Variants in CEP85L observed in about 807,000 individuals in gnomAD.
CEP85L encodes centrosomal protein 85L.
CEP85L carries 60 observed loss-of-function variants against 100.3 expected under a neutral mutation model. That is an observed-to-expected ratio of 0.60 (90% CI 0.49 to 0.74). The LOEUF (loss-of-function observed/expected upper bound fraction) is 0.74, where lower values mean the gene tolerates loss of function less well. Ranked by LOEUF, CEP85L falls within the 30% of genes least tolerant of loss-of-function variation. CEP85L has a pLI of 0.00. For synonymous variants in CEP85L, 319 were observed against 322.7 expected (o/e 0.99, Z 0.12); for missense variants, 973 against 936.2 (o/e 1.04, Z -0.51).
At chr6:118,539,740 T>C (rs983802503) in intron 3 of CEP85L, among the ~76,000 whole-genome samples, 11 of 152,124 alleles carry the variant, frequency 7.2e-5, no homozygotes, top group African/African-American at 2.7e-4. Context: ...TTTATCATGA[T>C]GCTCTCCCTC....
chr6:118,681,021 C>A (rs1353395408), intron 1 of CEP85L, among the ~76,000 whole-genome samples: 4 of 152,164 alleles, frequency 2.6e-5, no homozygotes, highest in Non-Finnish European at 5.9e-5. Flanking sequence ...AACTATTGTG[C>A]GTGTGACATT....
chr6:118,622,026 C>G (rs1185773163), intron 2 of CEP85L, among the ~76,000 whole-genome samples: 3 of 152,134 alleles, frequency 2.0e-5, no homozygotes, highest in African/African-American at 7.2e-5. Context: ...ACAGAGAGAC[C>G]AGGAATAGCT....
chr6:118,583,213 G>C (rs1371796284), intron 2 of CEP85L, among the ~76,000 whole-genome samples: 1 of 152,098 alleles, frequency 6.6e-6, no homozygotes, highest in South Asian at 2.1e-4. Flanking sequence ...TTAAACCCCC[G>C]GCTCCAGCGA....
chr6:118,571,393 C>T (rs1329301336), intron 2 of CEP85L, among the ~76,000 whole-genome samples: 2 of 152,148 alleles, frequency 1.3e-5, no homozygotes, highest in East Asian at 3.9e-4. Context: ...TGGTTTCAGA[C>T]AGATTTAAGT....
intron 4 of CEP85L, among the ~76,000 whole-genome samples, chr6:118,523,462 T>C (rs188765607): frequency 1.5e-3 from 233 of 152,344 alleles, no homozygotes; most frequent in Non-Finnish European, 2.6e-3. Flanking sequence ...AACTGGATAG[T>C]TCTCAAGGGT....
At chr6:118,607,854 A>G (rs554154775) in intron 2 of CEP85L, among the ~76,000 whole-genome samples, 18 of 152,162 alleles carry the variant, frequency 1.2e-4, no homozygotes, top group Non-Finnish European at 2.5e-4. Context: ...CCACTTACCC[A>G]AAGTTAGCCT....
chr6:118,519,117 A>G (rs12204456), intron 4 of CEP85L, among the ~76,000 whole-genome samples: 107,628 of 151,846 alleles, frequency 0.71, 38,875 homozygotes, highest in African/African-American at 0.75. Flanking sequence ...TACCAGAAAA[A>G]AAGAAAGCTC....
At chr6:118,482,804 ATCTC>A (rs775909247) in intron 7 of CEP85L, among the ~76,000 whole-genome samples, 2 of 152,138 alleles carry the variant, frequency 1.3e-5, no homozygotes, top group African/African-American at 4.8e-5. Context: ...CCTGACTTTA[ATCTC>A]TCTTAGTTTT....
intron 2 of CEP85L, among the ~76,000 whole-genome samples, chr6:118,595,680 G>C (rs2115145913): frequency 6.6e-6 from 1 of 152,292 alleles, no homozygotes; most frequent in South Asian, 2.1e-4. Flanking sequence ...AGTATAATAA[G>C]TGTGTAAATT....
Position 118,562,362 on chromosome 6 carries a change from A to C in CEP85L, c.1020+3167T>G, listed in dbSNP as rs185817461. Among the ~76,000 whole-genome samples, 290 of 148,018 alleles carry C rather than the reference A, an allele frequency of 2.0e-3. 1 individual carries two copies. Among genetic ancestry groups the C allele is most frequent in the African/African-American group, 6.8e-3 (278 of 40,628 alleles). On this transcript the variant is annotated intron_variant, in intron 3 of 12. Transcript: ENST00000368491. The stretch of plus-strand genomic sequence containing the variant: ...CATTTTACTTTAACTCATTTTATCA[A>C]TTTTTTTTTTTTAAATCAAGAGACA...
At chr6:118,640,795 C>T (rs1774815381) in intron 1 of CEP85L, among the ~76,000 whole-genome samples, 1 of 152,166 alleles carries the variant, frequency 6.6e-6, no homozygotes, top group African/African-American at 2.4e-5. Flanking sequence ...TCCCAAAGTA[C>T]TGGGATTACA....
intron 3 of CEP85L, among the ~76,000 whole-genome samples, chr6:118,534,642 C>T (rs1023943461): frequency 2.6e-5 from 4 of 151,986 alleles, no homozygotes; most frequent in African/African-American, 9.7e-5. Flanking sequence ...TAAAGATCCA[C>T]AAATCTAATG....
In CEP85L at chr6:118,465,455, T is replaced by C. The variant is rs761655617; in HGVS notation, c.2368A>G (p.Ile790Val). The change falls in exon 13 of 13, where the codon ATA (isoleucine) becomes GTA (valine). Residue 790 changes from isoleucine (I) to valine (V), a missense_variant. Transcript: ENST00000368491. ...ATGTCCTGAGCATAGCGGTCTGATA[T>C]TGTAGTCCTTAATTCATCAATGTCT... ...RRDIDELRTTISDRYAQDMGD... is the reference protein window; with the variant it reads ...RRDIDELRTTVSDRYAQDMGD... 32 of 1,613,640 alleles carry C rather than the reference T, an allele frequency of 2.0e-5. 1 individual carries two copies. In the South Asian group the frequency reaches 3.4e-4, roughly 17 times the overall value.
At chr6:118,630,006 T>C (rs1471722853) in intron 2 of CEP85L, among the ~76,000 whole-genome samples, 1 of 152,222 alleles carries the variant, frequency 6.6e-6, no homozygotes, top group African/African-American at 2.4e-5. Context: ...ATTTTCTTCT[T>C]GATAAGTGGC....
chr6:118,585,258 T>A (rs1780792269), intron 2 of CEP85L, among the ~76,000 whole-genome samples: 2 of 152,224 alleles, frequency 1.3e-5, no homozygotes, highest in African/African-American at 4.8e-5. Context: ...TGGTTCTCCA[T>A]GCTCATGCTG....
intron 2 of CEP85L, among the ~76,000 whole-genome samples, chr6:118,569,496 TA>T (rs1286843921): frequency 4.7e-5 from 7 of 148,108 alleles, no homozygotes; most frequent in Non-Finnish European, 7.5e-5. Flanking sequence ...TAAATAAAAA[TA>T]AAAAAATAAA....
chr6:118,537,921 GT>G, intron 3 of CEP85L: 2 of 983,548 alleles, frequency 2.0e-6, no homozygotes, highest in Non-Finnish European at 2.4e-6. Flanking sequence ...CTCTACAAGT[GT>G]TTTCTGGTAA....
intron 6 of CEP85L, 165 bp downstream of exon 6, chr6:118,491,521 T>A: frequency 1.5e-6 from 2 of 1,369,854 alleles, no homozygotes. Flanking sequence ...ATCCTTGGAT[T>A]TCTGCAGACA....
In CEP85L at chr6:118,542,739, C is replaced by G. The variant is rs147663569; in HGVS notation, c.1021-18819G>C. On this transcript the variant is annotated intron_variant, in intron 3 of 12. Transcript: ENST00000368491. ...TATGGTTACACAAAACTATGGAATG[C>G]CATTGTTTTGGACTGAGACTTAATA... Among the ~76,000 whole-genome samples the G allele has an allele frequency of 5.1e-3, 779 of 151,832 alleles. 14 individuals carry two copies. Among genetic ancestry groups the G allele is most frequent in the East Asian group, 0.038 (194 of 5,168 alleles).
Sources: allele counts gnomAD v4.1 joint callset (sites outside exome capture counted in the v4.1 genomes callset), GRCh38; gene constraint gnomAD v4.1.1; transcripts MANE v1.5; gene names NCBI Gene and HGNC (gene_info 2026-07-23, HGNC 2026-07-21).